Variants in B3GALNT2 observed in about 807,000 individuals in gnomAD.
The protein encoded by B3GALNT2 is UDP-GalNAc:beta-1,3-N-acetylgalactosaminyltransferase 2.
A neutral mutation model predicts 61.1 loss-of-function variants in B3GALNT2; 53 were observed. The ratio of observed to expected loss-of-function variants is 0.87; its 90% CI spans 0.70 to 1.09. B3GALNT2 has a LOEUF of 1.09. Ranked by LOEUF, B3GALNT2 falls within the 50% of genes least tolerant of loss-of-function variation. The pLI is 0.00. For missense variants in B3GALNT2, 544 were observed against 623.0 expected, an observed-to-expected ratio of 0.87 and a Z score of 1.35; for synonymous variants, 223 against 237.4, an observed-to-expected ratio of 0.94 and a Z score of 0.56.
At chr1:235,488,057 T>C (rs1684886420) in intron 3 of B3GALNT2, among the ~76,000 whole-genome samples, 1 of 152,154 alleles carries the variant, frequency 6.6e-6, no homozygotes, top group Non-Finnish European at 1.5e-5. Context: ...GCTTTCTTTA[T>C]CCTCACCAGA....
Position 235,490,917 on chromosome 1 carries a change from C to T in B3GALNT2, c.261-1649G>A, listed in dbSNP as rs543859583. ...ATGTCACATTAGTCACTTGAATTGG[C>T]CATAGTGGAAATATTCACACCCTAG... On this transcript the variant is annotated intron_variant, in intron 2 of 11. Transcript: ENST00000366600. 7.2e-5 allele frequency among the ~76,000 whole-genome samples: 11 copies of T among 152,016 alleles called. No individual in the cohort carries two copies. In the East Asian group the frequency reaches 1.9e-3, roughly 27 times the overall value.
chr1:235,492,853 C>CCTTT (rs1225383887), intron 2 of B3GALNT2, among the ~76,000 whole-genome samples: 1 of 152,042 alleles, frequency 6.6e-6, no homozygotes, highest in Non-Finnish European at 1.5e-5. Context: ...AATGCAAAGG[C>CCTTT]CCTGAGGTAG....
intron 3 of B3GALNT2, among the ~76,000 whole-genome samples, chr1:235,485,416 G>T (rs952596323): frequency 1.3e-5 from 2 of 152,080 alleles, no homozygotes; most frequent in African/African-American, 4.8e-5. Flanking sequence ...TTTGCTCAAG[G>T]GATCCTCCTG....
intron 4 of B3GALNT2, 136 bp downstream of exon 4, chr1:235,484,186 T>C (rs192787193): frequency 3.0e-4 from 401 of 1,321,394 alleles, no homozygotes; most frequent in Non-Finnish European, 3.7e-4. Flanking sequence ...ATTTAGTCAA[T>C]AGGGGAAGAA....
intron 11 of B3GALNT2, chr1:235,451,497 G>A (rs901008988): frequency 3.6e-5 from 5 of 138,620 alleles, no homozygotes; most frequent in Admixed American, 2.9e-4. Flanking sequence ...AAAAAAGACC[G>A]CATCAGAAAA....
Position 235,465,642 on chromosome 1 carries a change from T to G in B3GALNT2, c.835A>C (p.Ile279Leu), listed in dbSNP as rs1683655820. ...TTTCAACTAGCAAACTTACCCTGAA[T>G]AGTATATATAAAACCACCTGCAACT... ...EGVAGGFIYT[I>L]QEGDALLHNL... Residue 279 changes from isoleucine to leucine, a missense_variant, in exon 7 of 12, where the codon ATT (isoleucine) becomes CTT (leucine). Physicochemically the swap from Ile to Leu is conservative, Grantham distance 5. Coordinates refer to ENST00000366600, the MANE Select transcript of B3GALNT2 (RefSeq NM_152490.5). 6.2e-7 allele frequency: 1 copy of G among 1,613,954 alleles called. No individual in the cohort carries two copies. Among genetic ancestry groups the G allele is most frequent in the East Asian group, 2.2e-5 (1 of 44,864 alleles).
chr1:235,453,768 T>C, intron 10 of B3GALNT2, among the ~76,000 whole-genome samples: 1 of 152,076 alleles, frequency 6.6e-6, no homozygotes, highest in East Asian at 1.9e-4. Flanking sequence ...CACCTGTAAA[T>C]ACTAGCTGAA....
chr1:235,459,499 T>G (rs1310375962), intron 7 of B3GALNT2, among the ~76,000 whole-genome samples: 5 of 152,138 alleles, frequency 3.3e-5, no homozygotes, highest in African/African-American at 4.8e-5. Context: ...GGTGCATGCC[T>G]CTGGTCCCAG....
At chr1:235,489,574 C>T (rs1352615651) in intron 2 of B3GALNT2, among the ~76,000 whole-genome samples, 1 of 152,150 alleles carries the variant, frequency 6.6e-6, no homozygotes, top group East Asian at 1.9e-4. Context: ...AGTTCTCATG[C>T]CCATACCTAA....
intron 9 of B3GALNT2, 111 bp from the exon 10 acceptor site, chr1:235,454,426 G>T (rs1486960315): frequency 3.6e-6 from 4 of 1,117,444 alleles, no homozygotes; most frequent in Non-Finnish European, 4.9e-6. Context: ...TAGAAGTGAG[G>T]AAAGAAAATA....
At chr1:235,482,051 AAAC>A (rs1684586374) in intron 4 of B3GALNT2, among the ~76,000 whole-genome samples, 1 of 152,234 alleles carries the variant, frequency 6.6e-6, no homozygotes, top group African/African-American at 2.4e-5. Flanking sequence ...TTAATAATAC[AAAC>A]ACATTTTAAA....
rs560394601 is a variant in B3GALNT2 at position 235,498,817 on chromosome 1, C to A, written c.113-3989G>T. Among the ~76,000 whole-genome samples the A allele has an allele frequency of 1.2e-4, 15 of 121,490 alleles. No individual in the cohort carries two copies. In the Admixed American group the frequency reaches 1.6e-3, roughly 13 times the overall value. 79.7% of individuals were successfully genotyped at this position (121,490 alleles called of 152,430 possible). On this transcript the variant is annotated intron_variant, in intron 1 of 11. Coordinates refer to ENST00000366600, the MANE Select transcript of B3GALNT2 (RefSeq NM_152490.5). ...CAAGATCCCGCCACTGCTCTCCAGT[C>A]TGGGTGACAGAGCTAGACTCCTTCT...
intron 1 of B3GALNT2, among the ~76,000 whole-genome samples, chr1:235,500,757 C>T (rs1255527011): frequency 6.6e-6 from 1 of 152,226 alleles, no homozygotes; most frequent in Non-Finnish European, 1.5e-5. Context: ...CTCTCTCAAA[C>T]TCATGGAGTG....
At chr1:235,442,984 A>C, downstream of B3GALNT2, 1 of 1,462,154 alleles carries the variant, frequency 6.8e-7, no homozygotes. Flanking sequence ...TAAAATTAAA[A>C]CCTTTAACTC....
At chr1:235,484,643 G>A (rs1684716978) in intron 3 of B3GALNT2, 128 bp from the exon 4 acceptor site, 1 of 1,378,286 alleles carries the variant, frequency 7.3e-7, no homozygotes, top group Non-Finnish European at 9.4e-7. Context: ...CAAATGGCAG[G>A]AATTTTTAAA....
At chr1:235,443,012 C>A, downstream of B3GALNT2, 1 of 1,155,042 alleles carries the variant, frequency 8.7e-7, no homozygotes, top group Non-Finnish European at 1.3e-6. Context: ...AAAGTGTGGA[C>A]CTCAGAACTT....
chr1:235,484,671 G>T, intron 3 of B3GALNT2, 156 bp from the exon 4 acceptor site: 2 of 1,323,262 alleles, frequency 1.5e-6, no homozygotes, highest in Non-Finnish European at 2.0e-6. Context: ...TGAGAAAAAT[G>T]GCTGCTTCTA....
chr1:235,458,710 T>C lies in B3GALNT2; in HGVS notation c.918A>G (p.Glu306=). The C allele has an allele frequency of 1.2e-6, 2 of 1,613,668 alleles. No individual in the cohort carries two copies. Among genetic ancestry groups the C allele is most frequent in the Non-Finnish European group, 1.7e-6 (2 of 1,179,832 alleles). Residue 306 remains glutamate, a synonymous_variant, in exon 8 of 12, where the codon GAA becomes GAG. Coordinates refer to ENST00000366600, the MANE Select transcript of B3GALNT2 (RefSeq NM_152490.5). ...LIDHIRNLHE[E]DALLKEESSI... The stretch of plus-strand genomic sequence containing the variant: ...TGCTTTCCTCCTTCAGTAAGGCATC[T>C]TCCTCATGGAGATTCCTTATATGAT...
chr1:235,442,753 G>C (rs1681982010), downstream of B3GALNT2: 13 of 1,164,536 alleles, frequency 1.1e-5, no homozygotes, highest in African/African-American at 1.5e-5. Context: ...AATTTGCACT[G>C]AATACCTCTA....
Sources: allele counts gnomAD v4.1 joint callset (sites outside exome capture counted in the v4.1 genomes callset), GRCh38; gene constraint gnomAD v4.1.1; transcripts MANE v1.5; gene names NCBI Gene and HGNC (gene_info 2026-07-23, HGNC 2026-07-21).